NPFFR1: variants seen among roughly 807,000 people sequenced by gnomAD.
NPFFR1 encodes G-protein coupled receptor 147.
A neutral mutation model predicts 12.7 loss-of-function variants in NPFFR1; 17 were observed. That is an observed-to-expected ratio of 1.34 (90% CI 0.92 to 2.01). The LOEUF is 2.01. NPFFR1 is among the 30% of genes most tolerant of loss of function. NPFFR1 has a pLI of 0.00. For missense variants in NPFFR1, 604 were observed against 606.5 expected (o/e 1.00, Z 0.04); for synonymous variants, 296 against 264.5 (o/e 1.12, Z -1.16).
intron 1 of NPFFR1, among the ~76,000 whole-genome samples, chr10:70,273,422 CT>C (rs1389270989): frequency 6.6e-6 from 1 of 152,138 alleles, no homozygotes; most frequent in Non-Finnish European, 1.5e-5. Flanking sequence ...TTTCCTAGGG[CT>C]TCCTTTTGTT....
At chr10:70,260,533 C>G in intron 3 of NPFFR1, 107 bp downstream of exon 3, 1 of 991,310 alleles carries the variant, frequency 1.0e-6, no homozygotes, top group Non-Finnish European at 1.6e-6. Flanking sequence ...CCCCACTTAC[C>G]ATGGTGCAGC....
rs182219917 is a variant in NPFFR1 at position 70,255,121 on chromosome 10, G to A, written c.1129C>T (p.Arg377Trp). 1,503 of 1,505,140 alleles carry A rather than the reference G, an allele frequency of 1.0e-3. 38 individuals carry two copies. The East Asian group carries it at 0.03, about 30-fold the overall frequency. 93.2% of individuals were successfully genotyped at this position (1,505,140 alleles called of 1,614,324 possible). A position where few individuals can be genotyped will look rare whatever the true frequency, so the allele number is the denominator to read the frequency against. ...GAGGGCAGCCCGGAGTCGCTGGGCC[G>A]CACCACCACGAAGACCCGCCTGTGC... ...LLHRRVFVVV[R>W]PSDSGLPSES... Residue 377 changes from arginine to tryptophan, a missense_variant, in exon 4 of 4, where the codon CGG (arginine) becomes TGG (tryptophan). Physicochemically the swap from Arg to Trp is moderately radical, Grantham distance 101. Coordinates refer to ENST00000277942, the MANE Select transcript of NPFFR1 (RefSeq NM_022146.5). The surrounding 1 kb of genome is among the most constrained non-coding windows in gnomAD (Gnocchi z 4.2).
rs560711854 is a variant in NPFFR1, at chr10:70,277,409, G to T, written c.7+6261C>A. ...TGTCTCCCTGCTCAATTCCCAGGCTGGTGGGCAGCCCCAGGATGATGATAT... is the reference window on the plus strand; with the variant it reads ...TGTCTCCCTGCTCAATTCCCAGGCTTGTGGGCAGCCCCAGGATGATGATAT... On this transcript the variant is annotated intron_variant, in intron 1 of 3. Transcript: ENST00000277942. Among the ~76,000 whole-genome samples the T allele has an allele frequency of 4.8e-4, 73 of 152,314 alleles. 1 individual carries two copies. Among genetic ancestry groups the T allele is most frequent in the Admixed American group, 4.2e-3 (64 of 15,298 alleles).
chr10:70,279,941 A>G (rs985702635), intron 1 of NPFFR1, among the ~76,000 whole-genome samples: 1 of 152,204 alleles, frequency 6.6e-6, no homozygotes. Context: ...TATGAGTTCT[A>G]TAGTTTTAGA....
At position 70,266,284 on chromosome 10, in the gene NPFFR1, T is replaced by A; in HGVS notation, c.115A>T (p.Thr39Ser). ...ATGAACATGGCCGCCACAGGGGAGGTGTGCTGATAGTAGGAGGAGAAGGTG... is the reference window on the plus strand; with the variant it reads ...ATGAACATGGCCGCCACAGGGGAGGAGTGCTGATAGTAGGAGGAGAAGGTG... ...NLTFSSYYQH[T>S]SPVAAMFIVA... is the part of the protein sequence containing the mutation. The change falls in exon 2 of 4, where the codon ACC becomes TCC. Residue 39 changes from threonine to serine, a missense_variant. Coordinates refer to ENST00000277942, the MANE Select transcript of NPFFR1 (RefSeq NM_022146.5). 1 of 1,613,220 alleles carries A rather than the reference T, an allele frequency of 6.2e-7. No individual in the cohort carries two copies. The highest frequency in any genetic ancestry group is 1.1e-5 in the South Asian group (1 of 91,012).
intron 1 of NPFFR1, among the ~76,000 whole-genome samples, chr10:70,282,616 C>T (rs897081783): frequency 2.0e-5 from 3 of 152,172 alleles, no homozygotes; most frequent in African/African-American, 7.2e-5. Flanking sequence ...GCCACAGCTG[C>T]CTCATACTGG....
intron 1 of NPFFR1, among the ~76,000 whole-genome samples, chr10:70,280,869 G>T (rs141589250): frequency 1.3e-5 from 2 of 152,048 alleles, no homozygotes; most frequent in African/African-American, 4.8e-5. Flanking sequence ...AGGCATGATG[G>T]CACATGCCTG....
chr10:70,262,559 T>C lies in NPFFR1; in HGVS notation c.323-1820A>G, dbSNP rs555669451. Among the ~76,000 whole-genome samples the C allele has an allele frequency of 2.0e-5, 3 of 152,336 alleles. No homozygotes were observed. In the East Asian group the frequency reaches 5.8e-4, roughly 29 times the overall value. On this transcript the variant is annotated intron_variant, in intron 2 of 3. Transcript: ENST00000277942. Reference sequence around the variant, plus strand: ...TGTTAGCAATAATGAAACTACCTTATGTGTATACTAAGATTGAACAAATAA... The same window carrying C: ...TGTTAGCAATAATGAAACTACCTTACGTGTATACTAAGATTGAACAAATAA...
intron 1 of NPFFR1, 51 bp downstream of exon 1, chr10:70,283,619 C>G: frequency 6.6e-7 from 1 of 1,508,816 alleles, no homozygotes; most frequent in East Asian, 2.5e-5. Context: ...CCCCATGCCC[C>G]GGAGTCGGTA....
intron 2 of NPFFR1, among the ~76,000 whole-genome samples, chr10:70,265,261 G>C (rs1391262129): frequency 1.3e-5 from 2 of 152,212 alleles, no homozygotes; most frequent in Non-Finnish European, 1.5e-5. Flanking sequence ...GAGCTGCTGG[G>C]AGCTCTGAGC....
Position 70,266,147 on chromosome 10 carries a change from G to C in NPFFR1, c.252C>G (p.Asn84Lys), listed in dbSNP as rs760204702. Residue 84 changes from asparagine to lysine, a missense_variant, in exon 2 of 4, where the codon AAC (asparagine) becomes AAG (lysine). Physicochemically the swap from Asn to Lys is moderately conservative, Grantham distance 94 (BLOSUM62 0). Transcript: ENST00000277942. Reference sequence around the variant, plus strand: ...CCACCAGCAGGTCACTGACAGCCAGGTTGAGGATGAACATGTTGGTGACAG... The same window carrying C: ...CCACCAGCAGGTCACTGACAGCCAGCTTGAGGATGAACATGTTGGTGACAG... ...MHTVTNMFIL[N>K]LAVSDLLVGI... The C allele has an allele frequency of 6.2e-7, 1 of 1,614,038 alleles. No individual in the cohort carries two copies. Among genetic ancestry groups the C allele is most frequent in the Admixed American group, 1.7e-5 (1 of 60,024 alleles).
rs2136788837 is a variant in NPFFR1 at position 70,253,356 on chromosome 10, C to T, written c.*1601G>A. The T allele has an allele frequency of 6.6e-6, 1 of 152,256 alleles. No individual in the cohort carries two copies. Among genetic ancestry groups the T allele is most frequent in the East Asian group, 1.9e-4 (1 of 5,182 alleles). 9.4% of individuals were successfully genotyped at this position (152,256 alleles called of 1,614,324 possible). ...AAATTACCAGCTCTCCCGTCATCCCCACCTTCCTTGAAAGGCAGCATGTGG... is the reference window on the plus strand; with the variant it reads ...AAATTACCAGCTCTCCCGTCATCCCTACCTTCCTTGAAAGGCAGCATGTGG... On this transcript the variant is annotated 3_prime_UTR_variant, in exon 4 of 4. Transcript: ENST00000277942.
chr10:70,279,228 C>A (rs190486625), intron 1 of NPFFR1, among the ~76,000 whole-genome samples: 400 of 152,252 alleles, frequency 2.6e-3, no homozygotes, highest in Non-Finnish European at 4.3e-3. Flanking sequence ...CTCACTGCAA[C>A]CTCCGCCTCC....
chr10:70,263,623 A>G (rs1305292891), intron 2 of NPFFR1, among the ~76,000 whole-genome samples: 1 of 152,152 alleles, frequency 6.6e-6, no homozygotes, highest in East Asian at 1.9e-4. Flanking sequence ...AATATAACAG[A>G]ATGGCTGCCT....
In NPFFR1 at chr10:70,266,087, G is replaced by A. The variant is rs986147769; in HGVS notation, c.312C>T (p.Asn104=). Residue 104 remains asparagine (N), a synonymous_variant, in exon 2 of 4, where the codon AAC becomes AAT. Transcript: ENST00000277942. ...IFCMPTTLVD[N]LITGWPFDNA... ...ACTGCCCGCACTCACCAGTGATGAGGTTGTCCACAAGGGTGGTGGGCATGC... is the reference window on the plus strand; with the variant it reads ...ACTGCCCGCACTCACCAGTGATGAGATTGTCCACAAGGGTGGTGGGCATGC... 6 of 1,613,804 alleles carry A rather than the reference G, an allele frequency of 3.7e-6. No individual in the cohort carries two copies. The highest frequency in any genetic ancestry group is 1.7e-5 in the Admixed American group (1 of 60,024).
At chr10:70,280,360 T>C (rs1253245504) in intron 1 of NPFFR1, among the ~76,000 whole-genome samples, 1 of 152,184 alleles carries the variant, frequency 6.6e-6, no homozygotes, top group East Asian at 1.9e-4. Context: ...CACACAAGGG[T>C]TCTCTTTTCT....
rs977663968 is a variant in NPFFR1 at position 70,283,787 on chromosome 10, CT to C, written c.-112del. On this transcript the variant is annotated 5_prime_UTR_variant, in exon 1 of 4. Coordinates refer to ENST00000277942, the MANE Select transcript of NPFFR1 (RefSeq NM_022146.5). Reference sequence around the variant, plus strand: ...GGGCACTTGGTTGCGGGCTGCGCCCCTGCCTCCGCGCTCCGCAGGTCCGGTC... The same window carrying C: ...GGGCACTTGGTTGCGGGCTGCGCCCCGCCTCCGCGCTCCGCAGGTCCGGTC... The C allele has an allele frequency of 8.8e-5, 109 of 1,241,650 alleles. No individual in the cohort carries two copies. The African/African-American group carries it at 1.2e-3, about 14-fold the overall frequency. 76.9% of individuals were successfully genotyped at this position (1,241,650 alleles called of 1,614,324 possible).
At chr10:70,263,027 C>T (rs141182909) in intron 2 of NPFFR1, among the ~76,000 whole-genome samples, 44 of 152,172 alleles carry the variant, frequency 2.9e-4, no homozygotes, top group African/African-American at 8.4e-4. Flanking sequence ...ATTAGCCATA[C>T]ATGGTGGCGC....
rs1234218901 is a variant in NPFFR1 at position 70,255,713 on chromosome 10, C to T, written c.537G>A (p.Thr179=). The T allele has an allele frequency of 1.2e-6, 2 of 1,608,444 alleles. No homozygotes were observed. The highest frequency in any genetic ancestry group is 1.7e-6 in the Non-Finnish European group (2 of 1,177,734). ...GGTGCTCCTCACGGGTGACGGTCAG[C>T]GTGACGGCCGAGGGACACATGATGA... ...ALLIMCPSAV[T]LTVTREEHHF... is the part of the protein sequence containing the mutation. The change falls in exon 4 of 4, where the codon ACG becomes ACA. Residue 179 remains threonine (T), a synonymous_variant. Transcript: ENST00000277942. The surrounding 1 kb of genome is among the most constrained non-coding windows in gnomAD (Gnocchi z 4.2).
Sources: gnomAD v4.1 joint callset for allele counts (sites outside exome capture counted in the v4.1 genomes callset) on GRCh38, gnomAD v4.1.1 for gene constraint, Gnocchi (gnomAD v3.1) non-coding constraint, MANE v1.5 for transcripts, NCBI Gene and HGNC (gene_info 2026-07-23, HGNC 2026-07-21) for gene names.